The following DOK7 variants were observed in gnomAD, a reference collection of about 807,000 sequenced individuals.
DOK7 encodes the protein protein Dok-7.
Under a neutral mutation model 30.7 loss-of-function variants are expected in DOK7, and 32 were observed. That is an observed-to-expected ratio of 1.04 (90% CI 0.79 to 1.40). The LOEUF is 1.40. Among genes scored for constraint, DOK7 ranks in the 40% most tolerant of loss-of-function variants. The pLI is 0.00. For synonymous variants in DOK7, 447 were observed against 324.1 expected, an observed-to-expected ratio of 1.38 and a Z score of -4.07; for missense variants, 1,007 against 699.2, an observed-to-expected ratio of 1.44 and a Z score of -4.97.
intron 3 of DOK7, among the ~76,000 whole-genome samples, chr4:3,475,728 C>T (rs896942104): frequency 2.6e-5 from 4 of 152,094 alleles, no homozygotes; most frequent in East Asian, 3.9e-4. Flanking sequence ...CCCTGAGCCT[C>T]GGTTTCCCCT....
chr4:3,470,665 C>T (rs1440854722), intron 2 of DOK7, among the ~76,000 whole-genome samples: 2 of 152,206 alleles, frequency 1.3e-5, no homozygotes, highest in Non-Finnish European at 2.9e-5. Flanking sequence ...TGGGCCAAAT[C>T]CTGCCGGAAC....
chr4:3,486,774 G>T (rs569203557), intron 5 of DOK7, among the ~76,000 whole-genome samples: 1 of 152,012 alleles, frequency 6.6e-6, no homozygotes. Flanking sequence ...AGGCAGGTGT[G>T]GATGGTGTGG....
chr4:3,473,265 C>T (rs538865204), intron 2 of DOK7, 141 bp from the exon 3 acceptor site: 6 of 754,890 alleles, frequency 7.9e-6, no homozygotes, highest in African/African-American at 6.9e-5. Context: ...TGCCGGGAGT[C>T]GAAGCCTTGG....
At chr4:3,479,501 A>G (rs1727313085) in intron 4 of DOK7, among the ~76,000 whole-genome samples, 1 of 152,230 alleles carries the variant, frequency 6.6e-6, no homozygotes, top group Admixed American at 6.5e-5. Flanking sequence ...GAGTCGTGGG[A>G]AGGCCCTGGA....
At chr4:3,499,312 CTG>C (rs900829433), downstream of DOK7, among the ~76,000 whole-genome samples, 8 of 152,252 alleles carry the variant, frequency 5.3e-5, no homozygotes, top group African/African-American at 1.9e-4. Context: ...TGGGGCTTGG[CTG>C]TGTCTCCCAG....
chr4:3,488,968 G>C (rs1170168754), intron 5 of DOK7, among the ~76,000 whole-genome samples: 1 of 152,232 alleles, frequency 6.6e-6, no homozygotes, highest in Non-Finnish European at 1.5e-5. Context: ...CCAGGGCAGT[G>C]ATGCTGAGGC....
At position 3,494,299 on chromosome 4, in the gene DOK7, G is replaced by A. The variant is rs184956838; in HGVS notation, c.*798G>A. On this transcript the variant is annotated 3_prime_UTR_variant, in exon 7 of 7. Transcript: ENST00000340083. ...TGGCCCAGGCCTCAGCCCCTGCGTC[G>A]GAGGTGGGGCTGTGTTGGGCCCATT... The A allele has an allele frequency of 8.8e-5, 87 of 985,604 alleles. No homozygotes were observed. The East Asian group carries it at 6.2e-3, about 71-fold the overall frequency. The allele number at this position is 985,604 out of a possible 1,614,324, so 61.1% of individuals were successfully genotyped here. A position where few individuals can be genotyped will look rare whatever the true frequency, so the allele number is the denominator to read the frequency against.
At chr4:3,483,883 C>T (rs1727588842) in intron 4 of DOK7, among the ~76,000 whole-genome samples, 1 of 152,208 alleles carries the variant, frequency 6.6e-6, no homozygotes, top group Non-Finnish European at 1.5e-5. Flanking sequence ...TGCAGGCTCT[C>T]TTCTGCCCAC....
intron 4 of DOK7, chr4:3,484,467 G>C (rs1425008923): frequency 3.1e-6 from 3 of 983,586 alleles, no homozygotes; most frequent in Non-Finnish European, 2.4e-6. Context: ...AATGGGCAGA[G>C]GCCCCGGAGC....
At chr4:3,476,245 T>G (rs1237825885) in intron 3 of DOK7, 97 bp from the exon 4 acceptor site, 2 of 633,880 alleles carry the variant, frequency 3.2e-6, no homozygotes, top group African/African-American at 2.7e-5. Context: ...TGATGCCCTC[T>G]CACCCCACCC....
rs551948104 is a variant in DOK7, at chr4:3,476,416, G to A, written c.406G>A (p.Asp136Asn). 3.1e-6 allele frequency: 5 copies of A among 1,613,410 alleles called. No individual in the cohort carries two copies. In the South Asian group the frequency reaches 4.4e-5, roughly 14 times the overall value. Reference sequence around the variant, plus strand: ...CCCGGCTACCCTGCACCTCTGCAATGATGTCCTCGTCTTGGCCAGGGACAT... The same window carrying A: ...CCCGGCTACCCTGCACCTCTGCAATAATGTCCTCGTCTTGGCCAGGGACAT... Reference protein sequence around the residue: ...SGPATLHLCNDVLVLARDIPP... With the variant: ...SGPATLHLCNNVLVLARDIPP... Residue 136 changes from aspartate (D) to asparagine (N), a missense_variant, in exon 4 of 7, where the codon GAT becomes AAT. Asp to Asn is a conservative substitution (Grantham distance 23). Transcript: ENST00000340083.
At chr4:3,492,052 C>T (rs1350230795) in intron 6 of DOK7, among the ~76,000 whole-genome samples, 3 of 152,202 alleles carry the variant, frequency 2.0e-5, no homozygotes, top group Non-Finnish European at 2.9e-5. Context: ...CTGGGGGTGA[C>T]TCACAGCTGC....
intron 4 of DOK7, among the ~76,000 whole-genome samples, chr4:3,482,755 G>C (rs935595856): frequency 2.0e-5 from 3 of 152,260 alleles, no homozygotes; most frequent in African/African-American, 7.2e-5. Flanking sequence ...GGGGCAGGGG[G>C]GCGGTCAGCA....
intron 4 of DOK7, chr4:3,485,292 G>T: frequency 2.1e-6 from 1 of 473,722 alleles, no homozygotes; most frequent in Non-Finnish European, 3.6e-6. Flanking sequence ...GGGTGCGGCG[G>T]GGTCCCTGGG....
intron 6 of DOK7, 128 bp from the exon 7 acceptor site, chr4:3,492,631 G>A: frequency 2.3e-6 from 3 of 1,332,680 alleles, no homozygotes; most frequent in South Asian, 1.3e-5. Context: ...AGGCCCCGGG[G>A]CTTGGGGGCT....
intron 4 of DOK7, among the ~76,000 whole-genome samples, chr4:3,477,097 A>G (rs1178245232): frequency 6.6e-6 from 1 of 152,160 alleles, no homozygotes; most frequent in Non-Finnish European, 1.5e-5. Flanking sequence ...GAGTGAGGGA[A>G]ATCGGAGCAG....
intron 4 of DOK7, among the ~76,000 whole-genome samples, chr4:3,481,257 G>C: frequency 6.6e-6 from 1 of 152,206 alleles, no homozygotes; most frequent in East Asian, 1.9e-4. Flanking sequence ...TGTTGACCCC[G>C]GGGTGCAGAT....
chr4:3,477,011 G>A (rs1345314568), intron 4 of DOK7, among the ~76,000 whole-genome samples: 2 of 152,162 alleles, frequency 1.3e-5, no homozygotes, highest in African/African-American at 4.8e-5. Flanking sequence ...CCAGTGAGGT[G>A]GCCAGGCCGT....
Position 3,476,442 on chromosome 4 carries a change from C to G in DOK7, c.432C>G (p.Ile144Met), listed in dbSNP as rs1423390047. Residue 144 changes from isoleucine to methionine, a missense_variant, in exon 4 of 7, where the codon ATC becomes ATG. Coordinates refer to ENST00000340083, the MANE Select transcript of DOK7 (RefSeq NM_173660.5). ...CNDVLVLARD[I>M]PPAVTGQWKL... ...ATGTCCTCGTCTTGGCCAGGGACAT[C>G]CCCCCGGCTGTCACGGGGCAGTGGA... The G allele has an allele frequency of 6.2e-7, 1 of 1,613,600 alleles. No individual in the cohort carries two copies. Among genetic ancestry groups the G allele is most frequent in the Non-Finnish European group, 8.5e-7 (1 of 1,179,996 alleles).
Sources: allele counts gnomAD v4.1 joint callset (sites outside exome capture counted in the v4.1 genomes callset), GRCh38; gene constraint gnomAD v4.1.1; transcripts MANE v1.5; gene names NCBI Gene and HGNC (gene_info 2026-07-23, HGNC 2026-07-21).